Variants in MYT1L observed in about 807,000 individuals in gnomAD.
MYT1L encodes myelin transcription factor 1 like, also known as myelin transcription factor 1-like protein.
Under a neutral mutation model 126.7 loss-of-function variants are expected in MYT1L, and 12 were observed. The ratio of observed to expected loss-of-function variants is 0.09; its 90% CI spans 0.06 to 0.15. MYT1L has a LOEUF of 0.15. Among genes scored for constraint, MYT1L ranks in the 10% least tolerant of loss-of-function variants. The probability of loss-of-function intolerance (pLI) is 1.00; values close to 1 mark genes in which losing one functional copy is unlikely to be tolerated. For synonymous variants in MYT1L, 541 were observed against 604.2 expected (o/e 0.90, Z 1.53); for missense variants, 979 against 1,585.2 (o/e 0.62, Z 6.49).
intron 2 of MYT1L, among the ~76,000 whole-genome samples, chr2:2,219,140 G>C (rs111533048): frequency 0.012 from 1,776 of 152,268 alleles, 18 homozygotes; most frequent in Non-Finnish European, 0.016. Context: ...AGAGTTTGAG[G>C]ACAGTGGAAA....
At chr2:2,208,360 C>T (rs1037462306) in intron 2 of MYT1L, among the ~76,000 whole-genome samples, 3 of 152,136 alleles carry the variant, frequency 2.0e-5, no homozygotes, top group African/African-American at 7.2e-5. Flanking sequence ...CCTGTTGCAA[C>T]CACTACATGA....
At chr2:1,930,700 G>T (rs192983434) in intron 9 of MYT1L, among the ~76,000 whole-genome samples, 1 of 152,302 alleles carries the variant, frequency 6.6e-6, no homozygotes, top group Admixed American at 6.5e-5. Flanking sequence ...TTGCTCTTAA[G>T]AGTTGTTTAA....
intron 13 of MYT1L, among the ~76,000 whole-genome samples, chr2:1,907,117 A>T (rs1286220706): frequency 4.8e-5 from 7 of 146,682 alleles, no homozygotes; most frequent in Admixed American, 2.7e-4. Flanking sequence ...GTCTCTAAAA[A>T]TTTTTTTTTT....
intron 8 of MYT1L, among the ~76,000 whole-genome samples, chr2:1,978,295 GTT>G (rs1482743463): frequency 6.6e-6 from 1 of 152,198 alleles, no homozygotes; most frequent in African/African-American, 2.4e-5. Flanking sequence ...CTCACTGAGG[GTT>G]TGTTAGGCTG....
At chr2:2,157,965 A>G (rs559507256) in intron 3 of MYT1L, among the ~76,000 whole-genome samples, 1 of 152,152 alleles carries the variant, frequency 6.6e-6, no homozygotes, top group Non-Finnish European at 1.5e-5. Flanking sequence ...TATCTAGGTC[A>G]GGCTTCAGCT....
At chr2:1,913,793 C>T (rs951016718) in intron 11 of MYT1L, among the ~76,000 whole-genome samples, 5 of 152,146 alleles carry the variant, frequency 3.3e-5, no homozygotes, top group African/African-American at 1.2e-4. Context: ...ACACTCCCAG[C>T]CTCGCCCCTG....
At chr2:2,145,732 T>C (rs576855779) in intron 3 of MYT1L, among the ~76,000 whole-genome samples, 1 of 152,204 alleles carries the variant, frequency 6.6e-6, no homozygotes, top group Non-Finnish European at 1.5e-5. Context: ...ACAGCAGACT[T>C]TTAAAAAAAT....
Position 1,789,814 on chromosome 2 carries a change from AACAGAAAGGGGGCGCTGT to A in MYT1L, c.*2035_*2052del, listed in dbSNP as rs1193180373. ...GCATGGCAGCTGCAACCAATAGCAC[AACAGAAAGGGGGCGCTGT>A]ACAGAGAAGGTTCCGCAGAGCCCCG... is the stretch of plus-strand genomic sequence containing the variant. On this transcript the variant is annotated 3_prime_UTR_variant, in exon 25 of 25. Transcript: ENST00000647738. 1.3e-5 allele frequency: 2 copies of A among 152,180 alleles called. No individual in the cohort carries two copies. Among genetic ancestry groups the A allele is most frequent in the Non-Finnish European group, 2.9e-5 (2 of 68,032 alleles). The allele number at this position is 152,180 out of a possible 1,614,324, so 9.4% of individuals were successfully genotyped here.
intron 2 of MYT1L, among the ~76,000 whole-genome samples, chr2:2,268,934 G>T (rs2095201054): frequency 6.6e-6 from 1 of 152,190 alleles, no homozygotes. Flanking sequence ...ATGCCACTTT[G>T]ATTAACTCGT....
intron 2 of MYT1L, among the ~76,000 whole-genome samples, chr2:2,193,218 T>A (rs1326788014): frequency 2.6e-5 from 4 of 152,084 alleles, no homozygotes; most frequent in Non-Finnish European, 5.9e-5. Flanking sequence ...CCTCAGGTGA[T>A]CCACCCACCT....
At chr2:2,219,757 C>T (rs1342574072) in intron 2 of MYT1L, among the ~76,000 whole-genome samples, 3 of 152,222 alleles carry the variant, frequency 2.0e-5, no homozygotes, top group Admixed American at 1.3e-4. Flanking sequence ...CCAATGGAAA[C>T]TGGACACAGT....
At chr2:1,823,926 T>A (rs528443217) in intron 21 of MYT1L, among the ~76,000 whole-genome samples, 3 of 152,214 alleles carry the variant, frequency 2.0e-5, no homozygotes, top group Non-Finnish European at 4.4e-5. Flanking sequence ...AGGTGTCCAG[T>A]GACCATTACG....
At chr2:2,155,318 C>T (rs1414069747) in intron 3 of MYT1L, among the ~76,000 whole-genome samples, 2 of 152,186 alleles carry the variant, frequency 1.3e-5, no homozygotes, top group Non-Finnish European at 2.9e-5. Flanking sequence ...CTCAGGGAAA[C>T]GAGAGCAAAG....
chr2:1,993,985 G>C (rs2061633744), intron 5 of MYT1L, among the ~76,000 whole-genome samples: 1 of 152,206 alleles, frequency 6.6e-6, no homozygotes, highest in African/African-American at 2.4e-5. Flanking sequence ...CATAATAGCT[G>C]TCTGTACACT....
At chr2:1,886,249 T>C (rs796823535) in intron 18 of MYT1L, 4 of 306,186 alleles carry the variant, frequency 1.3e-5, no homozygotes, top group South Asian at 1.6e-4. Context: ...AAAATTTCCC[T>C]TCCATATGCA....
At chr2:1,998,836 G>C (rs971102736) in intron 4 of MYT1L, among the ~76,000 whole-genome samples, 1 of 151,886 alleles carries the variant, frequency 6.6e-6, no homozygotes, top group African/African-American at 2.4e-5. Context: ...ATTCCTACCC[G>C]CCTTTGGATC....
intron 2 of MYT1L, among the ~76,000 whole-genome samples, chr2:2,180,560 G>A (rs1300269855): frequency 6.6e-6 from 1 of 151,050 alleles, no homozygotes; most frequent in Non-Finnish European, 1.5e-5. Flanking sequence ...ACCTGTGTGG[G>A]CCCGTGTGTG....
rs2032169632 is a variant in MYT1L, at chr2:1,792,012, G to A, written c.3421-5C>T. The A allele has an allele frequency of 1.3e-6, 2 of 1,574,642 alleles. No individual in the cohort carries two copies. Among genetic ancestry groups the A allele is most frequent in the Admixed American group, 1.9e-5 (1 of 52,200 alleles). ...ATTTTGTTCATTGATTGGATCCTAC[G>A]AGATATTAAATAGTAGTTCATATAC... On this transcript the variant is annotated splice_polypyrimidine_tract_variant and splice_region_variant and intron_variant, in intron 24 of 24. Coordinates refer to ENST00000647738, the MANE Select transcript of MYT1L (RefSeq NM_001303052.2).
Position 2,274,647 on chromosome 2 carries a change from T to A in MYT1L, c.-421+9757A>T, listed in dbSNP as rs535227300. 1.1e-4 allele frequency among the ~76,000 whole-genome samples: 17 copies of A among 152,272 alleles called. No homozygotes were observed. In the South Asian group the frequency reaches 3.5e-3, roughly 32 times the overall value. On this transcript the variant is annotated intron_variant, in intron 2 of 24. Coordinates refer to ENST00000647738, the MANE Select transcript of MYT1L (RefSeq NM_001303052.2). ...AAGGTATAGTGTACTTAAAACATAT[T>A]TCTAAAATAAACAGTATTAGCTCCA...
Sources: allele counts gnomAD v4.1 joint callset (sites outside exome capture counted in the v4.1 genomes callset), GRCh38; gene constraint gnomAD v4.1.1; transcripts MANE v1.5; gene names NCBI Gene and HGNC (gene_info 2026-07-23, HGNC 2026-07-21).